The following GNPTAB variants were observed in gnomAD, a reference collection of about 807,000 sequenced individuals.
GNPTAB encodes the protein N-acetylglucosamine-1-phosphate transferase subunits alpha and beta.
A neutral mutation model predicts 136.6 loss-of-function variants in GNPTAB; 92 were observed. The ratio of observed to expected loss-of-function variants is 0.67; its 90% CI spans 0.57 to 0.80. The LOEUF (loss-of-function observed/expected upper bound fraction) is 0.80. Ranked by LOEUF, GNPTAB falls within the 30% of genes least tolerant of loss-of-function variation. GNPTAB has a pLI of 0.00. For synonymous variants in GNPTAB, 512 were observed against 535.1 expected (o/e 0.96, Z 0.60); for missense variants, 1,343 against 1,501.8 (o/e 0.89, Z 1.75).
intron 2 of GNPTAB, among the ~76,000 whole-genome samples, chr12:101,791,724 T>C (rs905404194): frequency 6.6e-6 from 1 of 152,222 alleles, no homozygotes; most frequent in Non-Finnish European, 1.5e-5. Context: ...AGCCTAGACT[T>C]TCAGTTGCTA....
At chr12:101,823,874 A>C (rs1254953384) in intron 1 of GNPTAB, among the ~76,000 whole-genome samples, 1 of 152,254 alleles carries the variant, frequency 6.6e-6, no homozygotes, top group Non-Finnish European at 1.5e-5. Flanking sequence ...TATTAAAAAT[A>C]GAAACAATCT....
chr12:101,770,950 T>C, intron 8 of GNPTAB, 46 bp downstream of exon 8: 1 of 1,566,874 alleles, frequency 6.4e-7, no homozygotes, highest in South Asian at 1.1e-5. Flanking sequence ...ATTTTTAACA[T>C]CTTAACCTTT....
At position 101,826,958 on chromosome 12, in the gene GNPTAB, T is replaced by G. The variant is rs1430009293; in HGVS notation, c.117+3601A>C. On this transcript the variant is annotated intron_variant, in intron 1 of 20. Coordinates refer to ENST00000299314, the MANE Select transcript of GNPTAB (RefSeq NM_024312.5). ...CTCTCCCTGTGGGAGTTGTTTTTTT[T>G]TTTTTTTTTTTTTTTTTTTTGAGAC... Among the ~76,000 whole-genome samples the G allele has an allele frequency of 4.5e-5, 6 of 133,812 alleles. No homozygotes were observed. The East Asian group carries it at 8.4e-4, about 19-fold the overall frequency. 87.8% of individuals were successfully genotyped at this position (133,812 alleles called of 152,430 possible). A position where few individuals can be genotyped will look rare whatever the true frequency, so the allele number is the denominator to read the frequency against.
At chr12:101,795,226 C>G (rs572857928) in intron 2 of GNPTAB, among the ~76,000 whole-genome samples, 1 of 152,144 alleles carries the variant, frequency 6.6e-6, no homozygotes, top group Non-Finnish European at 1.5e-5. Flanking sequence ...GAAACCTATA[C>G]GCAGAAACTC....
chr12:101,765,969 C>A, intron 12 of GNPTAB, 122 bp downstream of exon 12: 1 of 844,560 alleles, frequency 1.2e-6, no homozygotes, highest in East Asian at 2.4e-5. Context: ...AGTTTGAATG[C>A]AAGGCTGGTA....
chr12:101,763,615 C>T (rs1953035159), intron 13 of GNPTAB, among the ~76,000 whole-genome samples: 1 of 152,260 alleles, frequency 6.6e-6, no homozygotes, highest in Non-Finnish European at 1.5e-5. Context: ...CAGTTTTCTC[C>T]CCACAAATTT....
At chr12:101,747,841 C>T (rs1417379361) in intron 20 of GNPTAB, among the ~76,000 whole-genome samples, 1 of 93,398 alleles carries the variant, frequency 1.1e-5, no homozygotes, top group Non-Finnish European at 2.6e-5. Context: ...CCTGCCCTTC[C>T]CTTCCCTCTT....
chr12:101,823,209 A>C (rs1870906433), intron 1 of GNPTAB, among the ~76,000 whole-genome samples: 2 of 152,208 alleles, frequency 1.3e-5, no homozygotes, highest in Admixed American at 1.3e-4. Flanking sequence ...TTAGGAACGG[A>C]AAAGTGCCAT....
At chr12:101,771,968 T>C (rs976337854) in intron 7 of GNPTAB, among the ~76,000 whole-genome samples, 2 of 152,238 alleles carry the variant, frequency 1.3e-5, no homozygotes, top group Non-Finnish European at 1.5e-5. Context: ...TCTGAACAGC[T>C]TTTGTGCCAC....
intron 4 of GNPTAB, 87 bp from the exon 5 acceptor site, chr12:101,786,304 AT>A (rs372269757): frequency 3.5e-5 from 35 of 1,013,148 alleles, no homozygotes; most frequent in African/African-American, 1.9e-4. Context: ...AATTTTTCAG[AT>A]TTTTTTATAG....
chr12:101,772,274 C>T (rs1056214563), intron 7 of GNPTAB, among the ~76,000 whole-genome samples: 1 of 152,230 alleles, frequency 6.6e-6, no homozygotes, highest in South Asian at 2.1e-4. Flanking sequence ...ACTAGTGCTT[C>T]TAAAAGAGCT....
chr12:101,817,265 CTTTTTTTT>C (rs71438444), intron 1 of GNPTAB, among the ~76,000 whole-genome samples: 1 of 108,216 alleles, frequency 9.2e-6, no homozygotes, highest in African/African-American at 3.7e-5. Context: ...TATCATTCCA[CTTTTTTTT>C]TTTTTTTTTT....
intron 1 of GNPTAB, among the ~76,000 whole-genome samples, chr12:101,829,011 C>T (rs1349321274): frequency 2.0e-5 from 3 of 152,202 alleles, no homozygotes. Flanking sequence ...TTATGCCTTA[C>T]AAGTTAACCA....
intron 1 of GNPTAB, among the ~76,000 whole-genome samples, chr12:101,818,281 C>A (rs1382055209): frequency 6.6e-6 from 1 of 152,134 alleles, no homozygotes; most frequent in African/African-American, 2.4e-5. Context: ...CTGCATTCAT[C>A]ACAACACATT....
At chr12:101,818,518 C>T (rs555254864) in intron 1 of GNPTAB, among the ~76,000 whole-genome samples, 25 of 151,946 alleles carry the variant, frequency 1.6e-4, no homozygotes, top group Admixed American at 5.2e-4. Flanking sequence ...GCTGGGATTA[C>T]GGGCACCTGA....
At chr12:101,759,472 T>C (rs1188357433) in intron 16 of GNPTAB, among the ~76,000 whole-genome samples, 2 of 120,968 alleles carry the variant, frequency 1.7e-5, no homozygotes, top group Non-Finnish European at 3.5e-5. Context: ...TAACAGAAAA[T>C]AGCAGATTAA....
intron 10 of GNPTAB, among the ~76,000 whole-genome samples, chr12:101,769,730 C>A (rs1049073217): frequency 1.3e-5 from 2 of 151,694 alleles, no homozygotes; most frequent in Admixed American, 1.3e-4. Context: ...ACCCCCTACT[C>A]CCCCCACGGC....
Position 101,818,233 on chromosome 12 carries a change from G to A in GNPTAB, c.117+12326C>T, listed in dbSNP as rs376477760. On this transcript the variant is annotated intron_variant, in intron 1 of 20. Coordinates refer to ENST00000299314, the MANE Select transcript of GNPTAB (RefSeq NM_024312.5). ...ACTCAGCCATCTCCTTCCAGACCAA[G>A]CTCAGGTATCACACCATCTGAGAAA... 3.9e-5 allele frequency among the ~76,000 whole-genome samples: 6 copies of A among 152,132 alleles called. No individual in the cohort carries two copies. In the East Asian group the frequency reaches 1.2e-3, roughly 29 times the overall value.
chr12:101,808,504 T>C (rs918322655), intron 1 of GNPTAB, among the ~76,000 whole-genome samples: 1 of 151,956 alleles, frequency 6.6e-6, no homozygotes, highest in African/African-American at 2.4e-5. Context: ...TTCACGCCAC[T>C]GCACTCCAGC....
Sources: allele counts gnomAD v4.1 joint callset (sites outside exome capture counted in the v4.1 genomes callset), GRCh38; gene constraint gnomAD v4.1.1; transcripts MANE v1.5; gene names NCBI Gene and HGNC (gene_info 2026-07-23, HGNC 2026-07-21).